SP140: variants seen among roughly 807,000 people sequenced by gnomAD.
SP140 encodes the protein SP140 nuclear body protein.
In SP140, 81 loss-of-function variants were observed where a neutral mutation model predicts 125.0. The ratio of observed to expected loss-of-function variants is 0.65; its 90% confidence interval spans 0.54 to 0.78. The LOEUF is 0.78. Ranked by LOEUF, SP140 falls within the 30% of genes least tolerant of loss-of-function variation. The pLI is 0.00. For synonymous variants in SP140, 312 were observed against 354.0 expected (o/e 0.88, Z 1.33); for missense variants, 858 against 1,037.0 (o/e 0.83, Z 2.37).
chr2:230,272,061 A>G (rs948921162), intron 15 of SP140, among the ~76,000 whole-genome samples: 6 of 152,236 alleles, frequency 3.9e-5, no homozygotes, highest in Non-Finnish European at 5.9e-5. Context: ...AAGAAATGAC[A>G]GATGACACAA....
chr2:230,240,489 C>CA (rs2048570769), intron 3 of SP140, among the ~76,000 whole-genome samples: 1 of 152,066 alleles, frequency 6.6e-6, no homozygotes, highest in Admixed American at 6.6e-5. Flanking sequence ...ATCACCAATT[C>CA]AAAAAATGGA....
chr2:230,195,436 G>C, the SP140 span, among the ~76,000 whole-genome samples: 3 of 152,140 alleles, frequency 2.0e-5, no homozygotes, highest in African/African-American at 7.2e-5. Flanking sequence ...CTGGGTCCAA[G>C]TGATTATCGC....
At chr2:230,283,230 A>G (rs2055869347) in intron 15 of SP140, among the ~76,000 whole-genome samples, 1 of 152,128 alleles carries the variant, frequency 6.6e-6, no homozygotes, top group Non-Finnish European at 1.5e-5. Flanking sequence ...AGATATCACC[A>G]ATGCTCCTGT....
chr2:230,188,386 CTGAAGGAGTCTTT>C, the SP140 span, among the ~76,000 whole-genome samples: 5 of 152,060 alleles, frequency 3.3e-5, no homozygotes, highest in African/African-American at 1.2e-4. Flanking sequence ...TAGGAGTCTT[CTGAAGGAGTCTTT>C]AGGGTTTTCT....
intron 3 of SP140, chr2:230,217,068 A>G (rs1315691615): frequency 7.7e-6 from 5 of 650,008 alleles, no homozygotes; most frequent in East Asian, 6.0e-5. Flanking sequence ...CAACATGGTG[A>G]AACTCTGTCT....
At chr2:230,285,416 G>GA (rs527774709) in intron 16 of SP140, among the ~76,000 whole-genome samples, 2 of 151,922 alleles carry the variant, frequency 1.3e-5, no homozygotes, top group African/African-American at 2.4e-5. Flanking sequence ...TGTTTGGAAA[G>GA]AAAAAAAAGT....
intron 16 of SP140, among the ~76,000 whole-genome samples, chr2:230,285,066 A>T (rs924621211): frequency 6.6e-6 from 1 of 152,204 alleles, no homozygotes; most frequent in Non-Finnish European, 1.5e-5. Context: ...AAAAGAAAAG[A>T]CTAGGAGAAT....
chr2:230,190,205 A>C, the SP140 span, among the ~76,000 whole-genome samples: 1 of 152,150 alleles, frequency 6.6e-6, no homozygotes, highest in South Asian at 2.1e-4. Flanking sequence ...CCACAGCCTC[A>C]CCAGCATCTA....
intron 14 of SP140, 144 bp downstream of exon 14, chr2:230,270,097 G>A (rs1345169046): frequency 1.6e-6 from 1 of 628,182 alleles, no homozygotes; most frequent in East Asian, 2.7e-5. Context: ...CTGCAGGGAG[G>A]CAAGAGATCG....
chr2:230,310,649 A>G, intron 23 of SP140, 94 bp from the exon 24 acceptor site: 3 of 1,537,382 alleles, frequency 2.0e-6, no homozygotes, highest in Middle Eastern at 2.1e-4. Context: ...GACTGAGCCC[A>G]TCAGCCATTC....
the SP140 span, among the ~76,000 whole-genome samples, chr2:230,193,296 T>C: frequency 6.6e-6 from 1 of 152,210 alleles, no homozygotes; most frequent in Admixed American, 6.5e-5. Context: ...TTTGTGATTT[T>C]GTATCCATTC....
At position 230,243,821 on chromosome 2, in the gene SP140, G is replaced by C. The variant is rs1348801778; in HGVS notation, c.571+10G>C. ...CCAAGGTGTGAGCCAGGTAAGGAAG[G>C]AGTGACTTGCTCTCCCTGACCTGCA... is the stretch of plus-strand genomic sequence containing the variant. On this transcript the variant is annotated intron_variant, in intron 5 of 26. Coordinates refer to ENST00000392045, the MANE Select transcript of SP140 (RefSeq NM_007237.5). The C allele has an allele frequency of 3.1e-6, 5 of 1,600,800 alleles. No individual in the cohort carries two copies. The highest frequency in any genetic ancestry group is 4.3e-6 in the Non-Finnish European group (5 of 1,168,402).
In SP140 at chr2:230,250,867, A is replaced by T. The variant is rs932968305; in HGVS notation, c.977-114A>T. The T allele has an allele frequency of 3.5e-6, 4 of 1,128,980 alleles. No homozygotes were observed. The African/African-American group carries it at 6.1e-5, about 17-fold the overall frequency. 69.9% of individuals were successfully genotyped at this position (1,128,980 alleles called of 1,614,324 possible). A position where few individuals can be genotyped will look rare whatever the true frequency, so the allele number is the denominator to read the frequency against. ...GAACCCACCTACAGAACCCACCTAC[A>T]GGCCAGGAGGGCCTGGGTGATGGAC... On this transcript the variant is annotated intron_variant, in intron 9 of 26. Coordinates refer to ENST00000392045, the MANE Select transcript of SP140 (RefSeq NM_007237.5).
At chr2:230,280,103 T>C (rs1363199722) in intron 15 of SP140, among the ~76,000 whole-genome samples, 23 of 152,168 alleles carry the variant, frequency 1.5e-4, no homozygotes, top group Admixed American at 1.5e-3. Flanking sequence ...TAAATTTTAT[T>C]TGCTCCATCA....
At chr2:230,289,042 C>T (rs1345519070) in intron 18 of SP140, among the ~76,000 whole-genome samples, 2 of 152,230 alleles carry the variant, frequency 1.3e-5, no homozygotes, top group Non-Finnish European at 2.9e-5. Flanking sequence ...GGAATCGCCA[C>T]ACTGTCTTCC....
intron 18 of SP140, 161 bp downstream of exon 18, chr2:230,288,127 A>C: frequency 1.5e-6 from 1 of 645,342 alleles, no homozygotes; most frequent in Admixed American, 3.5e-5. Flanking sequence ...AAATGTGTCA[A>C]GGAAAGAAGG....
chr2:230,275,529 G>A (rs1317502932), intron 15 of SP140, among the ~76,000 whole-genome samples: 4 of 152,180 alleles, frequency 2.6e-5, no homozygotes, highest in African/African-American at 9.7e-5. Context: ...AATGTTGTGT[G>A]TGTTTCAACT....
intron 18 of SP140, 150 bp downstream of exon 18, chr2:230,288,116 A>G (rs2056627503): frequency 2.9e-6 from 2 of 682,702 alleles, no homozygotes; most frequent in African/African-American, 3.7e-5. Context: ...GTCATTTTCC[A>G]AAATGTGTCA....
At chr2:230,201,452 C>T (rs1459598041), upstream of SP140, among the ~76,000 whole-genome samples, 1 of 152,180 alleles carries the variant, frequency 6.6e-6, no homozygotes, top group South Asian at 2.1e-4. Context: ...GGAATCACTG[C>T]ATCCTTTATT....
Sources: allele counts gnomAD v4.1 joint callset (sites outside exome capture counted in the v4.1 genomes callset), GRCh38; gene constraint gnomAD v4.1.1; transcripts MANE v1.5; gene names NCBI Gene and HGNC (gene_info 2026-07-23, HGNC 2026-07-21).